The following TMEM117 variants were observed in gnomAD, a reference collection of about 807,000 sequenced individuals.
The protein encoded by TMEM117 is transmembrane protein 117.
TMEM117 carries 27 observed loss-of-function variants against 52.4 expected under a neutral mutation model. That is an observed-to-expected ratio of 0.51 (90% CI 0.38 to 0.71). The LOEUF (loss-of-function observed/expected upper bound fraction) is 0.71, where lower values mean the gene tolerates loss of function less well. TMEM117 is among the 30% of genes least tolerant of loss of function. TMEM117 has a pLI of 0.00. For missense variants in TMEM117, 556 were observed against 630.5 expected (o/e 0.88, Z 1.26); for synonymous variants, 215 against 206.3 (o/e 1.04, Z -0.36).
chr12:44,180,399 T>A (rs1336658960), intron 4 of TMEM117, among the ~76,000 whole-genome samples: 1 of 151,688 alleles, frequency 6.6e-6, no homozygotes, highest in Admixed American at 6.6e-5. Flanking sequence ...CATGTGCACA[T>A]TGTGCAGGTT....
At chr12:44,197,737 T>C (rs1949440243) in intron 4 of TMEM117, among the ~76,000 whole-genome samples, 3 of 152,198 alleles carry the variant, frequency 2.0e-5, no homozygotes, top group Admixed American at 2.0e-4. Context: ...ATGATTCAGG[T>C]GTCTTTCTCT....
At position 43,945,105 on chromosome 12, in the gene TMEM117, G is replaced by A. The variant is rs533544437; in HGVS notation, c.410+763G>A. Among the ~76,000 whole-genome samples the A allele has an allele frequency of 1.0e-3, 15 of 14,702 alleles. No homozygotes were observed. The South Asian group carries it at 0.019, about 19-fold the overall frequency. The allele number at this position is 14,702 out of a possible 152,430, so 9.6% of individuals were successfully genotyped here. A position where few individuals can be genotyped will look rare whatever the true frequency, so the allele number is the denominator to read the frequency against. On this transcript the variant is annotated intron_variant, in intron 3 of 7. Coordinates refer to ENST00000266534, the MANE Select transcript of TMEM117 (RefSeq NM_032256.3). ...TAGCCTGGCAACAAAGCAAGACTCC[G>A]TCTCTAAATAAATAAATAAATAAAT...
the TMEM117 span, chr12:43,806,245 T>G: frequency 6.5e-7 from 1 of 1,527,550 alleles, no homozygotes; most frequent in Non-Finnish European, 8.8e-7. Context: ...TGGTGGGACA[T>G]GGCGGCGGCC....
chr12:43,988,707 G>A (rs1945888409), intron 3 of TMEM117, among the ~76,000 whole-genome samples: 2 of 151,980 alleles, frequency 1.3e-5, no homozygotes, highest in African/African-American at 4.8e-5. Flanking sequence ...ATTTCACCAC[G>A]CTGCACTGTA....
intron 7 of TMEM117, among the ~76,000 whole-genome samples, chr12:44,384,300 C>T (rs1375634820): frequency 2.0e-5 from 3 of 152,066 alleles, no homozygotes; most frequent in African/African-American, 7.2e-5. Context: ...ACCATTTTAG[C>T]AGCTTCAAGT....
chr12:43,964,538 C>G (rs186517857), intron 3 of TMEM117, among the ~76,000 whole-genome samples: 1 of 152,238 alleles, frequency 6.6e-6, no homozygotes, highest in African/African-American at 2.4e-5. Flanking sequence ...AAAAATCATC[C>G]CATCTATGGC....
At chr12:43,810,438 G>T in the TMEM117 span, among the ~76,000 whole-genome samples, 1 of 152,094 alleles carries the variant, frequency 6.6e-6, no homozygotes, top group Non-Finnish European at 1.5e-5. Context: ...CACAAACGGG[G>T]ACAACCTTCC....
chr12:44,169,788 G>A (rs994895003), intron 4 of TMEM117, among the ~76,000 whole-genome samples: 1 of 152,068 alleles, frequency 6.6e-6, no homozygotes, highest in Non-Finnish European at 1.5e-5. Flanking sequence ...AAAAAGTCAG[G>A]AAACAACAGG....
At chr12:43,958,612 C>G (rs1331180989) in intron 3 of TMEM117, among the ~76,000 whole-genome samples, 1 of 152,166 alleles carries the variant, frequency 6.6e-6, no homozygotes, top group Non-Finnish European at 1.5e-5. Context: ...GGAATAGACT[C>G]TGTCTCTCTG....
At chr12:44,064,728 T>A (rs1947195100) in intron 3 of TMEM117, among the ~76,000 whole-genome samples, 1 of 152,204 alleles carries the variant, frequency 6.6e-6, no homozygotes, top group African/African-American at 2.4e-5. Flanking sequence ...GTATGCATAA[T>A]TTAGCGTTCA....
At chr12:44,327,991 C>T (rs183393896) in intron 6 of TMEM117, among the ~76,000 whole-genome samples, 27 of 152,290 alleles carry the variant, frequency 1.8e-4, no homozygotes, top group African/African-American at 4.6e-4. Context: ...ACTTCTGTGA[C>T]GGATTACAAA....
At chr12:43,936,057 G>A (rs937147307) in intron 2 of TMEM117, among the ~76,000 whole-genome samples, 2 of 151,694 alleles carry the variant, frequency 1.3e-5, no homozygotes, top group African/African-American at 2.4e-5. Context: ...TTTATATTAC[G>A]GGAGAATTGT....
chr12:44,370,181 G>GACTTGGTTC (rs1241552057), intron 6 of TMEM117, among the ~76,000 whole-genome samples: 3 of 152,146 alleles, frequency 2.0e-5, no homozygotes, highest in Non-Finnish European at 2.9e-5. Context: ...CTAAAAGGGT[G>GACTTGGTTC]ACTTGGTTCA....
intron 4 of TMEM117, among the ~76,000 whole-genome samples, chr12:44,205,615 A>C (rs1225728993): frequency 6.6e-6 from 1 of 152,216 alleles, no homozygotes; most frequent in Non-Finnish European, 1.5e-5. Context: ...ATGAACAGAC[A>C]CTTATCAAAG....
intron 3 of TMEM117, among the ~76,000 whole-genome samples, chr12:43,964,691 T>C (rs1945456786): frequency 6.6e-6 from 1 of 152,196 alleles, no homozygotes; most frequent in Admixed American, 6.6e-5. Flanking sequence ...GAAGGTAAGA[T>C]GTCAGGATTA....
the TMEM117 span, chr12:43,805,815 G>T: frequency 4.4e-6 from 6 of 1,371,808 alleles, no homozygotes; most frequent in Non-Finnish European, 5.8e-6. Flanking sequence ...TTTGGACCAT[G>T]AAAAAGAAAA....
At chr12:44,118,687 A>G (rs958610111) in intron 3 of TMEM117, among the ~76,000 whole-genome samples, 1 of 152,340 alleles carries the variant, frequency 6.6e-6, no homozygotes, top group East Asian at 1.9e-4. Flanking sequence ...CTCTTCAAGT[A>G]TTACATGATA....
chr12:44,363,973 A>G (rs1358908504), intron 6 of TMEM117, among the ~76,000 whole-genome samples: 1 of 152,180 alleles, frequency 6.6e-6, no homozygotes, highest in Non-Finnish European at 1.5e-5. Flanking sequence ...TGTCACCTAA[A>G]CAATTTCATA....
At chr12:44,364,985 T>C (rs1315661358) in intron 6 of TMEM117, among the ~76,000 whole-genome samples, 2 of 152,046 alleles carry the variant, frequency 1.3e-5, no homozygotes, top group African/African-American at 4.8e-5. Flanking sequence ...TGCAGTGATA[T>C]AGGAATCTGA....
Sources: gnomAD v4.1 joint callset for allele counts (sites outside exome capture counted in the v4.1 genomes callset) on GRCh38, gnomAD v4.1.1 for gene constraint, MANE v1.5 for transcripts, NCBI Gene and HGNC (gene_info 2026-07-23, HGNC 2026-07-21) for gene names.